COL21A1: variants seen among roughly 807,000 people sequenced by gnomAD.
COL21A1 encodes the protein collagen alpha-1(XXI) chain.
Under a neutral mutation model 137.9 loss-of-function variants are expected in COL21A1, and 149 were observed. The ratio of observed to expected loss-of-function variants is 1.08; its 90% CI spans 0.95 to 1.24. The LOEUF (loss-of-function observed/expected upper bound fraction) is 1.24. Ranked by LOEUF, COL21A1 falls within the 50% of genes most tolerant of loss-of-function variation. COL21A1 has a pLI of 0.00. For missense variants in COL21A1, 1,167 were observed against 1,158.4 expected, an observed-to-expected ratio of 1.01 and a Z score of -0.11; for synonymous variants, 456 against 391.5, an observed-to-expected ratio of 1.16 and a Z score of -1.95.
intron 1 of COL21A1, among the ~76,000 whole-genome samples, chr6:56,346,050 C>T (rs1765590378): frequency 6.6e-6 from 1 of 152,180 alleles, no homozygotes; most frequent in South Asian, 2.1e-4. Context: ...TTACCTCCTA[C>T]CTTTTGTAGT....
intron 1 of COL21A1, among the ~76,000 whole-genome samples, chr6:56,224,420 G>A (rs1195737453): frequency 6.6e-6 from 1 of 151,990 alleles, no homozygotes; most frequent in Admixed American, 6.6e-5. Flanking sequence ...TTAACGTGGA[G>A]GCTTACAATT....
intron 1 of COL21A1, among the ~76,000 whole-genome samples, chr6:56,280,054 C>T (rs760366372): frequency 1.7e-4 from 26 of 152,136 alleles, no homozygotes; most frequent in Non-Finnish European, 3.5e-4. Context: ...TCACTACATA[C>T]GTTACCTTCC....
At chr6:56,273,091 C>A (rs1763565218) in intron 1 of COL21A1, among the ~76,000 whole-genome samples, 1 of 152,146 alleles carries the variant, frequency 6.6e-6, no homozygotes, top group Non-Finnish European at 1.5e-5. Flanking sequence ...TTCAAAACTA[C>A]ACAAATACAT....
chr6:56,146,776 T>A (rs1679455510), intron 10 of COL21A1, among the ~76,000 whole-genome samples: 1 of 152,152 alleles, frequency 6.6e-6, no homozygotes. Context: ...CGAGGTTATC[T>A]GCACAGCTCG....
intron 17 of COL21A1, among the ~76,000 whole-genome samples, chr6:56,094,190 A>G (rs1050338167): frequency 4.6e-5 from 7 of 152,140 alleles, no homozygotes; most frequent in African/African-American, 1.7e-4. Context: ...TTTGCTTGGC[A>G]ATCTCGTCAG....
intron 16 of COL21A1, among the ~76,000 whole-genome samples, chr6:56,109,552 A>C (rs887051833): frequency 1.3e-5 from 2 of 151,902 alleles, no homozygotes; most frequent in African/African-American, 4.8e-5. Flanking sequence ...AAATAAGAGA[A>C]AGTTATCCAA....
At chr6:56,351,680 C>A (rs1765714120) in intron 1 of COL21A1, among the ~76,000 whole-genome samples, 1 of 152,228 alleles carries the variant, frequency 6.6e-6, no homozygotes, top group South Asian at 2.1e-4. Context: ...ACATCCCAAA[C>A]TAATCCTGGG....
chr6:56,273,615 G>A (rs780027633), intron 1 of COL21A1, among the ~76,000 whole-genome samples: 4 of 152,056 alleles, frequency 2.6e-5, no homozygotes, highest in East Asian at 1.9e-4. Flanking sequence ...CACAAATTAC[G>A]AAACCTAAAG....
At chr6:56,276,311 C>T (rs1763651861) in intron 1 of COL21A1, among the ~76,000 whole-genome samples, 1 of 152,136 alleles carries the variant, frequency 6.6e-6, no homozygotes, top group East Asian at 1.9e-4. Context: ...CCCCAAACCT[C>T]AGCATCATGC....
At chr6:56,334,371 G>T (rs1365616059) in intron 1 of COL21A1, among the ~76,000 whole-genome samples, 4 of 152,062 alleles carry the variant, frequency 2.6e-5, no homozygotes, top group African/African-American at 9.7e-5. Context: ...CACGTCTGTG[G>T]AGATTAAATG....
intron 1 of COL21A1, among the ~76,000 whole-genome samples, chr6:56,219,578 T>C (rs1383553546): frequency 6.6e-6 from 1 of 152,106 alleles, no homozygotes; most frequent in Non-Finnish European, 1.5e-5. Flanking sequence ...TTATTTAAAA[T>C]AAATAAACAT....
At chr6:56,338,939 A>T (rs573161875) in intron 1 of COL21A1, among the ~76,000 whole-genome samples, 1 of 152,166 alleles carries the variant, frequency 6.6e-6, no homozygotes, top group African/African-American at 2.4e-5. Context: ...CCCTAAAAAG[A>T]CTGCTTAGCA....
intron 16 of COL21A1, among the ~76,000 whole-genome samples, chr6:56,112,419 G>A (rs1264175164): frequency 6.6e-6 from 1 of 152,124 alleles, no homozygotes; most frequent in East Asian, 1.9e-4. Context: ...AATCAGGTGA[G>A]CACTCACAGT....
intron 25 of COL21A1, 42 bp downstream of exon 25, chr6:56,061,607 G>T: frequency 6.8e-7 from 1 of 1,461,354 alleles, no homozygotes; most frequent in Non-Finnish European, 9.4e-7. Context: ...AAAAAGGACC[G>T]AAGAAAGAGA....
At position 56,097,888 on chromosome 6, in the gene COL21A1, TATATAA is replaced by T. The variant is rs1562188422; in HGVS notation, c.1812+3578_1812+3583del. ...AAAAATATCTATAAATATATAAATA[TATATAA>T]ATATATAAATATATAAATATATATA... is the stretch of plus-strand genomic sequence containing the variant. On this transcript the variant is annotated intron_variant, in intron 17 of 29. Coordinates refer to ENST00000244728, the MANE Select transcript of COL21A1 (RefSeq NM_030820.4). Among the ~76,000 whole-genome samples, 4 of 93,818 alleles carry T rather than the reference TATATAA, an allele frequency of 4.3e-5. No homozygotes were observed. The East Asian group carries it at 1.0e-3, about 24-fold the overall frequency. The allele number at this position is 93,818 out of a possible 152,430, so 61.5% of individuals were successfully genotyped here. A position where few individuals can be genotyped will look rare whatever the true frequency, so the allele number is the denominator to read the frequency against.
At position 56,179,786 on chromosome 6, in the gene COL21A1, A is replaced by G; in HGVS notation, c.432T>C (p.Asp144=). The part of the protein sequence containing the change: ...FLTKIAVVLT[D]GKSQDDVKDA... Reference sequence around the variant, plus strand: ...CCTTGACGTCATCTTGGGATTTGCCATCCGTAAGTACCACTGCTATCTTAG... The same window carrying G: ...CCTTGACGTCATCTTGGGATTTGCCGTCCGTAAGTACCACTGCTATCTTAG... The change falls in exon 3 of 30, where the codon GAT becomes GAC. Residue 144 remains aspartate, a synonymous_variant. Transcript: ENST00000244728. 1 of 1,613,874 alleles carries G rather than the reference A, an allele frequency of 6.2e-7. No homozygotes were observed.
chr6:56,353,828 TTAAACA>T (rs1197689274), intron 1 of COL21A1, among the ~76,000 whole-genome samples: 3 of 151,936 alleles, frequency 2.0e-5, no homozygotes, highest in African/African-American at 7.3e-5. Context: ...AGAAGAATAC[TTAAACA>T]TAAAGCTGAG....
chr6:56,318,108 C>T (rs1764782968), intron 1 of COL21A1, among the ~76,000 whole-genome samples: 1 of 152,160 alleles, frequency 6.6e-6, no homozygotes, highest in Non-Finnish European at 1.5e-5. Flanking sequence ...CAATATATTA[C>T]ATATTTGAAA....
chr6:56,236,990 A>G (rs1228832738), intron 1 of COL21A1, among the ~76,000 whole-genome samples: 1 of 152,070 alleles, frequency 6.6e-6, no homozygotes, highest in Non-Finnish European at 1.5e-5. Flanking sequence ...TCAACTCCCT[A>G]TTGAAAACAA....
Sources: allele counts gnomAD v4.1 joint callset (sites outside exome capture counted in the v4.1 genomes callset), GRCh38; gene constraint gnomAD v4.1.1; transcripts MANE v1.5; gene names NCBI Gene and HGNC (gene_info 2026-07-23, HGNC 2026-07-21).